CCDC93: variants seen among roughly 807,000 people sequenced by gnomAD.
The protein encoded by CCDC93 is CCC complex scaffolding subunit CCDC93.
Under a neutral mutation model 108.2 loss-of-function variants are expected in CCDC93, and 61 were observed. The ratio of observed to expected loss-of-function variants is 0.56; its 90% confidence interval spans 0.46 to 0.70. The LOEUF is 0.70. Ranked by LOEUF, CCDC93 falls within the 30% of genes least tolerant of loss-of-function variation. CCDC93 has a pLI of 0.00. For missense variants in CCDC93, 685 were observed against 764.2 expected, an observed-to-expected ratio of 0.90 and a Z score of 1.22; for synonymous variants, 276 against 260.4, an observed-to-expected ratio of 1.06 and a Z score of -0.58.
At position 117,927,134 on chromosome 2, in the gene CCDC93, C is replaced by T. The variant is rs1573459950; in HGVS notation, c.1842+3903G>A. 2.6e-5 allele frequency among the ~76,000 whole-genome samples: 4 copies of T among 152,156 alleles called. No individual in the cohort carries two copies. In the Middle Eastern group the frequency reaches 0.014, roughly 518 times the overall value. ...GGGATATATCTCAAAATAATAAGAGCTATCTATGACAAACCCACAGTCAAT... is the reference window on the plus strand; with the variant it reads ...GGGATATATCTCAAAATAATAAGAGTTATCTATGACAAACCCACAGTCAAT... On this transcript the variant is annotated intron_variant, in intron 23 of 23. Coordinates refer to ENST00000376300, the MANE Select transcript of CCDC93 (RefSeq NM_019044.5).
chr2:117,923,299 A>AGCCGAGGCAGGGTGAGGCATC (rs1453040221), intron 23 of CCDC93, among the ~76,000 whole-genome samples: 1 of 152,176 alleles, frequency 6.6e-6, no homozygotes, highest in African/African-American at 2.4e-5. Context: ...ACTCAGCGTT[A>AGCCGAGGCAGGGTGAGGCATC]GCCGAGGCAG....
intron 15 of CCDC93, among the ~76,000 whole-genome samples, chr2:117,947,471 T>C (rs187697144): frequency 7.2e-4 from 110 of 152,292 alleles, no homozygotes; most frequent in African/African-American, 2.2e-3. Context: ...ACATAGGACA[T>C]AGACATCCCA....
At chr2:117,927,841 G>C (rs983249211) in intron 23 of CCDC93, among the ~76,000 whole-genome samples, 1 of 152,104 alleles carries the variant, frequency 6.6e-6, no homozygotes, top group African/African-American at 2.4e-5. Flanking sequence ...GAGGCATCAT[G>C]CTACCTGACT....
intron 1 of CCDC93, among the ~76,000 whole-genome samples, chr2:118,010,207 A>T (rs1676988069): frequency 6.6e-6 from 1 of 152,060 alleles, no homozygotes; most frequent in Admixed American, 6.6e-5. Flanking sequence ...CACCCGCCTC[A>T]GCCTCCCAAA....
chr2:117,978,404 T>C (rs1458111718), intron 7 of CCDC93, among the ~76,000 whole-genome samples: 2 of 152,206 alleles, frequency 1.3e-5, no homozygotes, highest in African/African-American at 2.4e-5. Flanking sequence ...AAGCCAAATA[T>C]GCGCTTTAAT....
chr2:117,923,417 T>G (rs1677953891), intron 23 of CCDC93, among the ~76,000 whole-genome samples: 1 of 152,180 alleles, frequency 6.6e-6, no homozygotes. Context: ...ACTCCCACCC[T>G]AATACTGTGC....
chr2:117,936,600 T>C lies in CCDC93; in HGVS notation c.1643+102A>G. On this transcript the variant is annotated intron_variant, in intron 21 of 23. Transcript: ENST00000376300. ...GAATCACATACCCAGTGTTAAGTCT[T>C]GCATGTACCTTTGTCAAGCACATTA... is the stretch of plus-strand genomic sequence containing the variant. 3.3e-6 allele frequency: 3 copies of C among 920,036 alleles called. No homozygotes were observed. The Admixed American group carries it at 5.1e-5, about 16-fold the overall frequency. The allele number at this position is 920,036 out of a possible 1,614,324, so 57.0% of individuals were successfully genotyped here.
chr2:117,950,313 A>ATAATT (rs2104743235), intron 13 of CCDC93: 1 of 985,330 alleles, frequency 1.0e-6, no homozygotes, highest in African/African-American at 1.7e-5. Context: ...TTACAGAGCA[A>ATAATT]GCAAAACTAG....
At chr2:117,990,352 T>C (rs35338684) in intron 6 of CCDC93, among the ~76,000 whole-genome samples, 2 of 152,080 alleles carry the variant, frequency 1.3e-5, no homozygotes, top group Admixed American at 6.5e-5. Context: ...GCAAAGGAGA[T>C]AGGGAGAAGA....
chr2:117,926,172 A>T (rs1460256792), intron 23 of CCDC93, among the ~76,000 whole-genome samples: 1 of 152,208 alleles, frequency 6.6e-6, no homozygotes, highest in African/African-American at 2.4e-5. Context: ...AGCAGGAAAG[A>T]TCTAAAATTG....
intron 23 of CCDC93, 168 bp downstream of exon 23, chr2:117,930,869 A>G (rs1678301725): frequency 1.9e-6 from 1 of 526,392 alleles, no homozygotes; most frequent in South Asian, 3.1e-5. Context: ...GAAAAACGCA[A>G]TCTTCAGCTA....
chr2:118,001,153 A>G lies in CCDC93; in HGVS notation c.252-221T>C, dbSNP rs548508406. 12 of 415,640 alleles carry G rather than the reference A, an allele frequency of 2.9e-5. No homozygotes were observed. In the South Asian group the frequency reaches 4.0e-4, roughly 14 times the overall value. 25.7% of individuals were successfully genotyped at this position (415,640 alleles called of 1,614,324 possible). On this transcript the variant is annotated intron_variant, in intron 3 of 23. Transcript: ENST00000376300. ...CAAAACTGCCTTCATCCTTTATTCT[A>G]TAATGTTTTTCTTCCTACTTTTTTG...
chr2:117,972,571 C>T (rs1679799561), intron 11 of CCDC93, among the ~76,000 whole-genome samples: 1 of 151,578 alleles, frequency 6.6e-6, no homozygotes, highest in Admixed American at 6.6e-5. Context: ...CTACGTGCTC[C>T]CTGTAGAAAC....
At chr2:117,972,851 G>T (rs188004161) in intron 11 of CCDC93, among the ~76,000 whole-genome samples, 1 of 152,242 alleles carries the variant, frequency 6.6e-6, no homozygotes, top group Non-Finnish European at 1.5e-5. Context: ...TTCCTAGGTG[G>T]TAATGGAAAG....
chr2:117,986,289 T>G (rs10864965), intron 6 of CCDC93, among the ~76,000 whole-genome samples: 1 of 151,914 alleles, frequency 6.6e-6, no homozygotes, highest in Non-Finnish European at 1.5e-5. Flanking sequence ...AATTATACAC[T>G]TGCACACATA....
At position 117,915,797 on chromosome 2, in the gene CCDC93, T is replaced by G. The variant is rs1558759986; in HGVS notation, c.*4546A>C. 1.3e-5 allele frequency: 2 copies of G among 152,232 alleles called. No homozygotes were observed. The highest frequency in any genetic ancestry group is 2.9e-5 in the Non-Finnish European group (2 of 68,052). The allele number at this position is 152,232 out of a possible 1,614,324, so 9.4% of individuals were successfully genotyped here. A position where few individuals can be genotyped will look rare whatever the true frequency, so the allele number is the denominator to read the frequency against. On this transcript the variant is annotated 3_prime_UTR_variant, in exon 24 of 24. Transcript: ENST00000376300. Reference sequence around the variant, plus strand: ...GAAAACATATGCACACACATACATCTACACACTTTCTCCATTCCAAACATT... The same window carrying G: ...GAAAACATATGCACACACATACATCGACACACTTTCTCCATTCCAAACATT...
intron 23 of CCDC93, among the ~76,000 whole-genome samples, chr2:117,923,472 C>T (rs79608367): frequency 6.4e-4 from 97 of 152,300 alleles, no homozygotes; most frequent in African/African-American, 2.0e-3. Context: ...GATTATATCC[C>T]GCGCCTGCCT....
At chr2:117,981,821 T>C (rs995267549) in intron 7 of CCDC93, among the ~76,000 whole-genome samples, 3 of 152,166 alleles carry the variant, frequency 2.0e-5, no homozygotes, top group African/African-American at 4.8e-5. Flanking sequence ...TAGCCACATA[T>C]GGATAGTGGC....
rs555812889 is a variant in CCDC93, at chr2:117,949,240, G to A, written c.1142+82C>T. On this transcript the variant is annotated intron_variant, in intron 14 of 23. Transcript: ENST00000376300. ...CAATAGCCTTTGGCTGCTTTGTTCT[G>A]TGTTTAAACAAATTAAGCCAACAAG... The A allele has an allele frequency of 3.4e-5, 32 of 938,330 alleles. No individual in the cohort carries two copies. In the Admixed American group the frequency reaches 4.4e-4, roughly 13 times the overall value. The allele number at this position is 938,330 out of a possible 1,614,324, so 58.1% of individuals were successfully genotyped here. A position where few individuals can be genotyped will look rare whatever the true frequency, so the allele number is the denominator to read the frequency against.
Sources: allele counts gnomAD v4.1 joint callset (sites outside exome capture counted in the v4.1 genomes callset), GRCh38; gene constraint gnomAD v4.1.1; transcripts MANE v1.5; gene names NCBI Gene and HGNC (gene_info 2026-07-23, HGNC 2026-07-21).